PAX2: variants seen among roughly 807,000 people sequenced by gnomAD.
PAX2 encodes the protein paired box 2.
A neutral mutation model predicts 41.7 loss-of-function variants in PAX2; 9 were observed. The observed-to-expected ratio is 0.22, with a 90% CI of 0.13 to 0.38. PAX2 has a LOEUF of 0.38. PAX2 is among the 10% of genes least tolerant of loss of function. The pLI is 1.00. For missense variants in PAX2, 418 were observed against 531.6 expected, an observed-to-expected ratio of 0.79 and a Z score of 2.10; for synonymous variants, 221 against 212.7, an observed-to-expected ratio of 1.04 and a Z score of -0.34.
chr10:100,742,074 C>T (rs1844974675), upstream of PAX2, among the ~76,000 whole-genome samples: 1 of 152,206 alleles, frequency 6.6e-6, no homozygotes, highest in Non-Finnish European at 1.5e-5. Context: ...GGCCGGGCGC[C>T]TGGGCCCCGG....
In PAX2 at chr10:100,750,028, T is replaced by A. The variant is rs1845375962; in HGVS notation, c.212+114T>A. On this transcript the variant is annotated intron_variant, in intron 2 of 9. Coordinates refer to ENST00000355243, the MANE Select transcript of PAX2 (RefSeq NM_000278.5). This position sits in a 1 kb window ranked among gnomAD's most constrained non-coding sequence, Gnocchi z 4.1. ...CAGCGTGCCAAGCCAGAGAGGGAGA[T>A]CCCCAAAGGGGTCTGGAGAGGTGCT... The A allele has an allele frequency of 8.1e-7, 1 of 1,235,538 alleles. No homozygotes were observed. The highest frequency in any genetic ancestry group is 2.5e-5 in the East Asian group (1 of 39,432). 76.5% of individuals were successfully genotyped at this position (1,235,538 alleles called of 1,614,324 possible). A position where few individuals can be genotyped will look rare whatever the true frequency, so the allele number is the denominator to read the frequency against.
intron 3 of PAX2, among the ~76,000 whole-genome samples, chr10:100,758,283 GGC>G (rs1845709360): frequency 6.6e-6 from 1 of 151,980 alleles, no homozygotes; most frequent in African/African-American, 2.4e-5. Flanking sequence ...TGGGACTATA[GGC>G]GCCCACCACC....
At chr10:100,766,847 A>G (rs1846047188) in intron 3 of PAX2, among the ~76,000 whole-genome samples, 1 of 152,186 alleles carries the variant, frequency 6.6e-6, no homozygotes, top group Non-Finnish European at 1.5e-5. Flanking sequence ...ATCATTACTC[A>G]ACCCACATCA....
Position 100,748,791 on chromosome 10 carries a change from G to A in PAX2, c.44-955G>A, listed in dbSNP as rs1481139470. ...CCGAGCCGCTCGGTTTCCTGGGGGG[G>A]CTGCCGAGGTCTGAGGGGTCAAAGG... On this transcript the variant is annotated intron_variant, in intron 1 of 9. Coordinates refer to ENST00000355243, the MANE Select transcript of PAX2 (RefSeq NM_000278.5). The surrounding 1 kb of genome is among the most constrained non-coding windows in gnomAD (Gnocchi z 5.0). The A allele has an allele frequency of 5.1e-6, 5 of 985,410 alleles. No individual in the cohort carries two copies. The highest frequency in any genetic ancestry group is 4.8e-6 in the Non-Finnish European group (4 of 830,008). 61.0% of individuals were successfully genotyped at this position (985,410 alleles called of 1,614,324 possible).
chr10:100,803,828 C>T (rs941371097), intron 5 of PAX2, among the ~76,000 whole-genome samples: 1 of 152,008 alleles, frequency 6.6e-6, no homozygotes. Flanking sequence ...CCTTTCCCTC[C>T]CCCTTCCCCT....
intron 5 of PAX2, among the ~76,000 whole-genome samples, chr10:100,801,832 T>C (rs1228600892): frequency 1.3e-5 from 2 of 152,254 alleles, no homozygotes; most frequent in African/African-American, 4.8e-5. Context: ...GGGCAAGCTC[T>C]GTACTCCGAC....
At chr10:100,789,602 C>T (rs897032686) in intron 5 of PAX2, among the ~76,000 whole-genome samples, 1 of 152,216 alleles carries the variant, frequency 6.6e-6, no homozygotes, top group African/African-American at 2.4e-5. Context: ...ATTGGCTCAA[C>T]CTATGTTCAT....
chr10:100,802,416 G>A (rs1847595420), intron 5 of PAX2, among the ~76,000 whole-genome samples: 1 of 152,198 alleles, frequency 6.6e-6, no homozygotes, highest in Admixed American at 6.5e-5. Flanking sequence ...ATTGGTAGAG[G>A]CACCAGAGAT....
At chr10:100,822,477 A>C (rs1215008362) in intron 7 of PAX2, among the ~76,000 whole-genome samples, 2 of 152,216 alleles carry the variant, frequency 1.3e-5, no homozygotes, top group African/African-American at 4.8e-5. Flanking sequence ...TTAATCAACA[A>C]GTGTTTATTG....
rs899189029 is a variant in PAX2 at position 100,827,801 on chromosome 10, A to G, written c.*182A>G. 130 of 901,646 alleles carry G rather than the reference A, an allele frequency of 1.4e-4. No individual in the cohort carries two copies. Among genetic ancestry groups the G allele is most frequent in the Middle Eastern group, 6.8e-4 (2 of 2,946 alleles). 55.9% of individuals were successfully genotyped at this position (901,646 alleles called of 1,614,324 possible). On this transcript the variant is annotated 3_prime_UTR_variant, in exon 10 of 10. Coordinates refer to ENST00000355243, the MANE Select transcript of PAX2 (RefSeq NM_000278.5). The surrounding 1 kb of genome is among the most constrained non-coding windows in gnomAD (Gnocchi z 8.5). ...ACATCACCCCCCTCGAAGGTCGGACAGGACGGGTGGAGCCGTGGGCGGGAC... is the reference window on the plus strand; with the variant it reads ...ACATCACCCCCCTCGAAGGTCGGACGGGACGGGTGGAGCCGTGGGCGGGAC...
intron 5 of PAX2, among the ~76,000 whole-genome samples, chr10:100,785,579 A>G (rs1306485371): frequency 6.6e-6 from 1 of 152,254 alleles, no homozygotes. Context: ...GGATGAAGCC[A>G]TAAATGGAAG....
At chr10:100,777,455 C>T (rs900203426) in intron 3 of PAX2, among the ~76,000 whole-genome samples, 5 of 143,628 alleles carry the variant, frequency 3.5e-5, no homozygotes, top group African/African-American at 1.3e-4. Flanking sequence ...AGTACAGTGG[C>T]TTGATCTTGG....
At chr10:100,808,135 T>C (rs1847859762) in intron 6 of PAX2, among the ~76,000 whole-genome samples, 1 of 152,034 alleles carries the variant, frequency 6.6e-6, no homozygotes, top group Non-Finnish European at 1.5e-5. Flanking sequence ...ATAAAGCAAA[T>C]CCGAAGCCTA....
At chr10:100,809,633 T>C (rs1847923404) in intron 7 of PAX2, among the ~76,000 whole-genome samples, 2 of 152,354 alleles carry the variant, frequency 1.3e-5, no homozygotes, top group African/African-American at 4.8e-5. Context: ...GCCTCCACAC[T>C]TGGGTCTCCA....
intron 3 of PAX2, among the ~76,000 whole-genome samples, chr10:100,753,005 G>A (rs931828106): frequency 3.3e-5 from 5 of 152,198 alleles, no homozygotes; most frequent in Admixed American, 6.5e-5. Flanking sequence ...AGCTGTGACA[G>A]CTGCAGAACC....
chr10:100,802,579 C>A (rs1182922715), intron 5 of PAX2, among the ~76,000 whole-genome samples: 2 of 152,174 alleles, frequency 1.3e-5, no homozygotes, highest in Admixed American at 6.5e-5. Flanking sequence ...GGTGCCAGGC[C>A]AGTCAGATGG....
Position 100,806,014 on chromosome 10 carries a change from G to A in PAX2, c.617-416G>A, listed in dbSNP as rs187717223. Reference sequence around the variant, plus strand: ...TGGAACTGAAATTCATCTCGGAGCCGAGTTCAATTCTCCACAGGCTCAGTA... The same window carrying A: ...TGGAACTGAAATTCATCTCGGAGCCAAGTTCAATTCTCCACAGGCTCAGTA... On this transcript the variant is annotated intron_variant, in intron 5 of 9. Coordinates refer to ENST00000355243, the MANE Select transcript of PAX2 (RefSeq NM_000278.5). Among the ~76,000 whole-genome samples the A allele has an allele frequency of 2.9e-3, 444 of 152,266 alleles. 1 individual carries two copies. Among genetic ancestry groups the A allele is most frequent in the Non-Finnish European group, 5.4e-3 (367 of 68,020 alleles).
intron 5 of PAX2, among the ~76,000 whole-genome samples, chr10:100,801,653 T>C (rs561346929): frequency 7.9e-5 from 12 of 152,324 alleles, no homozygotes; most frequent in African/African-American, 2.9e-4. Context: ...CTGGGCACAG[T>C]CTGCACTCAG....
At chr10:100,811,215 G>A (rs913964218) in intron 7 of PAX2, among the ~76,000 whole-genome samples, 2 of 152,156 alleles carry the variant, frequency 1.3e-5, no homozygotes, top group African/African-American at 2.4e-5. Flanking sequence ...GATTAATAGT[G>A]CCATTACCCA....
Sources: gnomAD v4.1 joint callset for allele counts (sites outside exome capture counted in the v4.1 genomes callset) on GRCh38, gnomAD v4.1.1 for gene constraint, Gnocchi (gnomAD v3.1) non-coding constraint, MANE v1.5 for transcripts, NCBI Gene and HGNC (gene_info 2026-07-23, HGNC 2026-07-21) for gene names.